The following CAMTA1 variants were observed in gnomAD, a reference collection of about 807,000 sequenced individuals.
The protein encoded by CAMTA1 is calmodulin-binding transcription activator 1.
A neutral mutation model predicts 170.9 loss-of-function variants in CAMTA1; 27 were observed. The ratio of observed to expected loss-of-function variants is 0.16; its 90% CI spans 0.12 to 0.22. The LOEUF (loss-of-function observed/expected upper bound fraction) is 0.22. Among genes scored for constraint, CAMTA1 ranks in the 10% least tolerant of loss-of-function variants. The pLI, the probability that CAMTA1 is intolerant of heterozygous loss-of-function variation, is 1.00. For synonymous variants in CAMTA1, 833 were observed against 891.5 expected (o/e 0.93, Z 1.17); for missense variants, 1,619 against 2,217.2 (o/e 0.73, Z 5.42).
chr1:7,341,767 T>G (rs957804578), intron 5 of CAMTA1, among the ~76,000 whole-genome samples: 3 of 152,178 alleles, frequency 2.0e-5, no homozygotes, highest in African/African-American at 7.2e-5. Context: ...GTGCTTTCTC[T>G]CTCCACAGAA....
chr1:7,182,027 G>T (rs1476540496), intron 4 of CAMTA1, among the ~76,000 whole-genome samples: 2 of 151,998 alleles, frequency 1.3e-5, no homozygotes, highest in African/African-American at 4.8e-5. Flanking sequence ...CAGTAGAATT[G>T]AATAGAAAGT....
chr1:7,687,316 CA>C (rs146832779), intron 11 of CAMTA1, among the ~76,000 whole-genome samples: 1 of 150,982 alleles, frequency 6.6e-6, no homozygotes, highest in East Asian at 1.9e-4. Flanking sequence ...GAAGGTGTTT[CA>C]AAAAAAAGGA....
chr1:6,806,014 G>A (rs1383257650), intron 1 of CAMTA1, among the ~76,000 whole-genome samples: 1 of 151,930 alleles, frequency 6.6e-6, no homozygotes, highest in East Asian at 1.9e-4. Flanking sequence ...TTAGTTCTCT[G>A]ATAGATCTTC....
intron 6 of CAMTA1, among the ~76,000 whole-genome samples, chr1:7,484,837 A>G (rs137941932): frequency 3.7e-4 from 57 of 152,068 alleles, no homozygotes; most frequent in African/African-American, 1.4e-3. Flanking sequence ...TGTTGTTACA[A>G]AACCACGTGA....
At chr1:7,419,475 G>T (rs1369595404) in intron 5 of CAMTA1, among the ~76,000 whole-genome samples, 1 of 152,112 alleles carries the variant, frequency 6.6e-6, no homozygotes, top group East Asian at 1.9e-4. Flanking sequence ...CTTGACTCAT[G>T]ACTTTTGGGG....
At chr1:7,431,999 C>T (rs751650220) in intron 5 of CAMTA1, among the ~76,000 whole-genome samples, 26 of 152,184 alleles carry the variant, frequency 1.7e-4, no homozygotes, top group Non-Finnish European at 2.6e-4. Flanking sequence ...AACCTGGGCC[C>T]TGAGCCAGGC....
chr1:6,792,719 C>T (rs1039666188), intron 1 of CAMTA1, among the ~76,000 whole-genome samples: 1 of 151,994 alleles, frequency 6.6e-6, no homozygotes, highest in African/African-American at 2.4e-5. Flanking sequence ...TTCTCCTGTA[C>T]ATGAATCCTT....
chr1:7,585,420 G>A lies in CAMTA1; in HGVS notation c.511-54980G>A, dbSNP rs1256325201. Among the ~76,000 whole-genome samples the A allele has an allele frequency of 6.6e-6, 1 of 152,156 alleles. No individual in the cohort carries two copies. Among genetic ancestry groups the A allele is most frequent in the East Asian group, 1.9e-4 (1 of 5,178 alleles). Reference sequence around the variant, plus strand: ...GGGAAGAGTATGTGCAAAGGCCCTGGGGTGGACATAAGCTTGAAGTCTCTG... The same window carrying A: ...GGGAAGAGTATGTGCAAAGGCCCTGAGGTGGACATAAGCTTGAAGTCTCTG... On this transcript the variant is annotated intron_variant, in intron 6 of 22. Coordinates refer to ENST00000303635, the MANE Select transcript of CAMTA1 (RefSeq NM_015215.4). This position sits in a 1 kb window ranked among gnomAD's most constrained non-coding sequence, Gnocchi z 4.8.
At chr1:7,667,375 C>A (rs1050779870) in intron 9 of CAMTA1, among the ~76,000 whole-genome samples, 2 of 152,166 alleles carry the variant, frequency 1.3e-5, no homozygotes, top group East Asian at 3.9e-4. Flanking sequence ...ACGGTCAGAG[C>A]TGTCTTCTGG....
chr1:7,402,392 CCTT>C (rs2089969082), intron 5 of CAMTA1, among the ~76,000 whole-genome samples: 1 of 152,200 alleles, frequency 6.6e-6, no homozygotes. Context: ...TCCCTCCTCA[CCTT>C]CTTCTGCTGC....
At position 7,172,636 on chromosome 1, in the gene CAMTA1, A is replaced by T. The variant is rs577178933; in HGVS notation, c.303-76855A>T. On this transcript the variant is annotated intron_variant, in intron 4 of 22. Coordinates refer to ENST00000303635, the MANE Select transcript of CAMTA1 (RefSeq NM_015215.4). ...CTGATGAGGGATGCCCAGCCTGGGG[A>T]TGCTCTGTGATCTTTAAACAACGGT... Among the ~76,000 whole-genome samples the T allele has an allele frequency of 6.6e-5, 10 of 152,276 alleles. No homozygotes were observed. In the South Asian group the frequency reaches 1.9e-3, roughly 28 times the overall value.
chr1:7,499,605 AGT>A lies in CAMTA1; in HGVS notation c.510+31714_510+31715del, dbSNP rs1322053127. ...CCTGGCGTGAGTGCGTATGTATATG[AGT>A]GTGTGTGTGCATGAGTGAGTGTGAG... is the stretch of plus-strand genomic sequence containing the variant. On this transcript the variant is annotated intron_variant, in intron 6 of 22. Coordinates refer to ENST00000303635, the MANE Select transcript of CAMTA1 (RefSeq NM_015215.4). Among the ~76,000 whole-genome samples, 29 of 128,148 alleles carry A rather than the reference AGT, an allele frequency of 2.3e-4. 4 individuals are homozygous for A. Among genetic ancestry groups the A allele is most frequent in the South Asian group, 5.5e-4 (2 of 3,640 alleles). The allele number at this position is 128,148 out of a possible 152,430, so 84.1% of individuals were successfully genotyped here. A position where few individuals can be genotyped will look rare whatever the true frequency, so the allele number is the denominator to read the frequency against.
At chr1:6,841,478 G>C (rs1214574496) in intron 3 of CAMTA1, among the ~76,000 whole-genome samples, 1 of 152,122 alleles carries the variant, frequency 6.6e-6, no homozygotes, top group African/African-American at 2.4e-5. Context: ...TCAATGGGTG[G>C]TTCCAGTGGA....
At chr1:6,978,954 A>T (rs1299350256) in intron 3 of CAMTA1, among the ~76,000 whole-genome samples, 4 of 152,080 alleles carry the variant, frequency 2.6e-5, no homozygotes, top group Non-Finnish European at 4.4e-5. Flanking sequence ...TGTGTGGTGG[A>T]TGCATCGTGA....
At chr1:6,948,076 A>G (rs1482170914) in intron 3 of CAMTA1, among the ~76,000 whole-genome samples, 1 of 152,200 alleles carries the variant, frequency 6.6e-6, no homozygotes, top group East Asian at 1.9e-4. Flanking sequence ...GAAGGAATAA[A>G]TGAATCTAAA....
At chr1:6,857,717 CTCTAAGCTCT>C (rs1362881800) in intron 3 of CAMTA1, among the ~76,000 whole-genome samples, 1 of 152,196 alleles carries the variant, frequency 6.6e-6, no homozygotes, top group East Asian at 1.9e-4. Flanking sequence ...ACAGGCAATA[CTCTAAGCTCT>C]TGGAACATAC....
intron 3 of CAMTA1, among the ~76,000 whole-genome samples, chr1:6,991,173 G>T (rs1050033853): frequency 6.6e-6 from 1 of 151,938 alleles, no homozygotes; most frequent in Non-Finnish European, 1.5e-5. Context: ...CCAGTTTTTG[G>T]CTATTATGAA....
intron 6 of CAMTA1, among the ~76,000 whole-genome samples, chr1:7,481,707 C>T (rs754281714): frequency 5.3e-5 from 8 of 152,066 alleles, no homozygotes; most frequent in African/African-American, 7.2e-5. Flanking sequence ...AGCAATTTTT[C>T]GAGGATTTCA....
At position 7,521,663 on chromosome 1, in the gene CAMTA1, C is replaced by T. The variant is rs926164072; in HGVS notation, c.510+53762C>T. Among the ~76,000 whole-genome samples the T allele has an allele frequency of 4.6e-5, 7 of 152,156 alleles. No individual in the cohort carries two copies. In the South Asian group the frequency reaches 1.2e-3, roughly 27 times the overall value. On this transcript the variant is annotated intron_variant, in intron 6 of 22. Coordinates refer to ENST00000303635, the MANE Select transcript of CAMTA1 (RefSeq NM_015215.4). ...GTCCCAGTTCAAGCAATTCTCCTGC[C>T]TCAGCCTCCTGTGTAGCTGGGATTA...
Sources: gnomAD v4.1 joint callset for allele counts (sites outside exome capture counted in the v4.1 genomes callset) on GRCh38, gnomAD v4.1.1 for gene constraint, Gnocchi (gnomAD v3.1) non-coding constraint, MANE v1.5 for transcripts, NCBI Gene and HGNC (gene_info 2026-07-23, HGNC 2026-07-21) for gene names.